The following CNBD1 variants were observed in gnomAD, a reference collection of about 807,000 sequenced individuals.
CNBD1 encodes the protein cyclic nucleotide binding domain containing 1.
A neutral mutation model predicts 54.4 loss-of-function variants in CNBD1; 71 were observed. The ratio of observed to expected loss-of-function variants is 1.30; its 90% CI spans 1.08 to 1.59. CNBD1 has a LOEUF of 1.59. Ranked by LOEUF, CNBD1 falls within the 40% of genes most tolerant of loss-of-function variation. CNBD1 has a pLI of 0.00. For missense variants in CNBD1, 659 were observed against 518.0 expected (o/e 1.27, Z -2.64); for synonymous variants, 182 against 170.7 (o/e 1.07, Z -0.51).
At chr8:87,363,933 C>A (rs180735955) in intron 10 of CNBD1, among the ~76,000 whole-genome samples, 1 of 149,728 alleles carries the variant, frequency 6.7e-6, no homozygotes, top group Non-Finnish European at 1.5e-5. Flanking sequence ...CTTGCCCATG[C>A]CTATGTCCTG....
chr8:86,948,512 A>G (rs1807523942), intron 4 of CNBD1, among the ~76,000 whole-genome samples: 1 of 152,122 alleles, frequency 6.6e-6, no homozygotes, highest in African/African-American at 2.4e-5. Flanking sequence ...ATGATCAATG[A>G]TTTTGAACAT....
chr8:86,932,751 T>C (rs536700025), intron 3 of CNBD1, among the ~76,000 whole-genome samples: 119 of 152,018 alleles, frequency 7.8e-4, no homozygotes, highest in Middle Eastern at 3.4e-3. Flanking sequence ...TTGTTCCCAA[T>C]GGATTCATTT....
intron 6 of CNBD1, among the ~76,000 whole-genome samples, chr8:87,249,868 C>A (rs1807878431): frequency 6.6e-6 from 1 of 152,102 alleles, no homozygotes; most frequent in South Asian, 2.1e-4. Flanking sequence ...AAACTTCAAA[C>A]TGTTAGAAGA....
intron 4 of CNBD1, among the ~76,000 whole-genome samples, chr8:87,114,981 A>C (rs556218390): frequency 6.6e-6 from 1 of 152,308 alleles, no homozygotes; most frequent in South Asian, 2.1e-4. Context: ...AACTCAATAG[A>C]ATGTCATAGG....
intron 4 of CNBD1, among the ~76,000 whole-genome samples, chr8:86,988,612 A>G (rs1808665039): frequency 6.6e-6 from 1 of 152,160 alleles, no homozygotes; most frequent in Non-Finnish European, 1.5e-5. Context: ...TTGTGCTATG[A>G]AAGACTAGAT....
chr8:86,993,176 T>G (rs1232729175), intron 4 of CNBD1, among the ~76,000 whole-genome samples: 2 of 152,116 alleles, frequency 1.3e-5, no homozygotes. Context: ...TCTTTATTTT[T>G]GTCTGAGTGC....
chr8:86,941,871 T>C (rs899308729), intron 4 of CNBD1, among the ~76,000 whole-genome samples: 1 of 152,218 alleles, frequency 6.6e-6, no homozygotes, highest in Admixed American at 6.5e-5. Context: ...GTTGGGTCAG[T>C]ATCAGTTTCC....
At chr8:87,092,427 A>ATG (rs1563465479) in intron 4 of CNBD1, among the ~76,000 whole-genome samples, 1 of 140,068 alleles carries the variant, frequency 7.1e-6, no homozygotes, top group African/African-American at 2.8e-5. Context: ...GTATGTATGT[A>ATG]TGTATGTGTG....
chr8:87,324,516 C>T (rs1421590217), intron 8 of CNBD1, among the ~76,000 whole-genome samples: 1 of 145,372 alleles, frequency 6.9e-6, no homozygotes, highest in African/African-American at 2.7e-5. Context: ...TCAACTTCTT[C>T]CTGGTTTAGT....
chr8:87,106,568 A>T (rs971291188), intron 4 of CNBD1, among the ~76,000 whole-genome samples: 2 of 152,140 alleles, frequency 1.3e-5, no homozygotes, highest in Non-Finnish European at 2.9e-5. Flanking sequence ...ATGATTATTA[A>T]TTTTTCTGAT....
chr8:87,055,285 T>C (rs1810390031), intron 4 of CNBD1, among the ~76,000 whole-genome samples: 1 of 152,232 alleles, frequency 6.6e-6, no homozygotes, highest in East Asian at 1.9e-4. Context: ...GAGAAACTTC[T>C]CTCATCTCTG....
intron 4 of CNBD1, among the ~76,000 whole-genome samples, chr8:87,057,358 G>T (rs1038801713): frequency 4.6e-5 from 7 of 152,136 alleles, no homozygotes; most frequent in African/African-American, 1.7e-4. Context: ...AAAACCATCA[G>T]ATCTTGTAAG....
At chr8:87,223,018 T>A (rs1814376008) in intron 5 of CNBD1, among the ~76,000 whole-genome samples, 1 of 150,984 alleles carries the variant, frequency 6.6e-6, no homozygotes. Flanking sequence ...TTTAATGGGC[T>A]GGAAATCAGT....
chr8:87,363,336 G>A (rs1810562823), intron 10 of CNBD1, among the ~76,000 whole-genome samples: 2 of 152,116 alleles, frequency 1.3e-5, no homozygotes. Flanking sequence ...ATAGTAGAAT[G>A]ATTTATCATC....
intron 5 of CNBD1, among the ~76,000 whole-genome samples, chr8:87,212,738 A>G (rs1897325): frequency 0.02 from 3,021 of 152,306 alleles, 89 homozygotes; most frequent in African/African-American, 0.068. Flanking sequence ...GGTAATAATT[A>G]AAACTATAAA....
chr8:87,194,187 T>C (rs1014582429), intron 4 of CNBD1, among the ~76,000 whole-genome samples: 1 of 152,204 alleles, frequency 6.6e-6, no homozygotes, highest in Admixed American at 6.5e-5. Flanking sequence ...CAGTCCCTAG[T>C]ACCAAAATGG....
intron 2 of CNBD1, among the ~76,000 whole-genome samples, chr8:87,395,325 A>G (rs139644379): frequency 2.6e-5 from 4 of 151,888 alleles, no homozygotes; most frequent in African/African-American, 9.7e-5. Context: ...AGTGAAAATA[A>G]TGTTCTTGCT....
intron 6 of CNBD1, among the ~76,000 whole-genome samples, chr8:87,239,590 A>G (rs1807650824): frequency 1.3e-5 from 2 of 152,138 alleles, no homozygotes; most frequent in Admixed American, 6.5e-5. Context: ...TAACATTTTC[A>G]CTCTTCAATT....
At chr8:87,220,132 AT>A (rs1440250268) in intron 5 of CNBD1, among the ~76,000 whole-genome samples, 1 of 152,066 alleles carries the variant, frequency 6.6e-6, no homozygotes, top group African/African-American at 2.4e-5. Flanking sequence ...TTATTCCTTT[AT>A]GCAATCGCCA....
Sources: allele counts gnomAD v4.1 joint callset (sites outside exome capture counted in the v4.1 genomes callset), GRCh38; gene constraint gnomAD v4.1.1; transcripts MANE v1.5; gene names NCBI Gene and HGNC (gene_info 2026-07-23, HGNC 2026-07-21).